CNTNAP2: variants seen among roughly 807,000 people sequenced by gnomAD.
The protein encoded by CNTNAP2 is contactin associated protein 2.
CNTNAP2 carries 98 observed loss-of-function variants against 155.2 expected under a neutral mutation model. That is an observed-to-expected ratio of 0.63 (90% CI 0.54 to 0.75). The LOEUF is 0.75. Among genes scored for constraint, CNTNAP2 ranks in the 30% least tolerant of loss-of-function variants. The pLI is 0.00. For missense variants in CNTNAP2, 1,727 were observed against 1,688.1 expected (o/e 1.02, Z -0.40); for synonymous variants, 651 against 631.2 (o/e 1.03, Z -0.47).
At chr7:147,590,716 T>C (rs1261949475) in intron 12 of CNTNAP2, among the ~76,000 whole-genome samples, 1 of 152,218 alleles carries the variant, frequency 6.6e-6, no homozygotes, top group South Asian at 2.1e-4. Context: ...GACAAATGTA[T>C]ATATTCTAAG....
chr7:147,439,434 G>T (rs1273743901), intron 10 of CNTNAP2, among the ~76,000 whole-genome samples: 1 of 151,768 alleles, frequency 6.6e-6, no homozygotes, highest in Non-Finnish European at 1.5e-5. Context: ...TTCCATTGTG[G>T]TTAGAAAAGA....
chr7:146,676,175 T>C (rs79548544), intron 1 of CNTNAP2, among the ~76,000 whole-genome samples: 2,680 of 152,278 alleles, frequency 0.018, 68 homozygotes, highest in African/African-American at 0.058. Flanking sequence ...AGTTTGTTTA[T>C]GATATACATG....
At chr7:147,120,152 C>G (rs73154362) in intron 5 of CNTNAP2, among the ~76,000 whole-genome samples, 2,171 of 152,154 alleles carry the variant, frequency 0.014, 24 homozygotes, top group South Asian at 0.04. Context: ...ACAACAATGT[C>G]TTTTGGAGTC....
chr7:146,636,220 G>C (rs544588578), intron 1 of CNTNAP2, among the ~76,000 whole-genome samples: 4 of 152,046 alleles, frequency 2.6e-5, no homozygotes, highest in South Asian at 2.1e-4. Context: ...ATGGGATTGT[G>C]CTTTATCTTG....
chr7:148,257,275 G>A (rs1585221572), intron 20 of CNTNAP2, among the ~76,000 whole-genome samples: 1 of 152,190 alleles, frequency 6.6e-6, no homozygotes, highest in Non-Finnish European at 1.5e-5. Context: ...GCAGGATTCG[G>A]TTAACTTTCC....
chr7:147,241,553 A>G (rs1803938019), intron 8 of CNTNAP2, among the ~76,000 whole-genome samples: 1 of 150,198 alleles, frequency 6.7e-6, no homozygotes, highest in African/African-American at 2.5e-5. Flanking sequence ...TCTTGAACCC[A>G]GGAGGTGGAG....
intron 18 of CNTNAP2, among the ~76,000 whole-genome samples, chr7:148,187,411 G>C (rs756195606): frequency 6.6e-6 from 1 of 152,158 alleles, no homozygotes; most frequent in Non-Finnish European, 1.5e-5. Context: ...GCCATGCCCT[G>C]TAAGTTTTCT....
chr7:146,780,111 T>C (rs1802458180), intron 2 of CNTNAP2, among the ~76,000 whole-genome samples: 1 of 152,188 alleles, frequency 6.6e-6, no homozygotes, highest in Non-Finnish European at 1.5e-5. Context: ...CCACAATGGT[T>C]CAACGAATTT....
chr7:146,718,088 A>G (rs1433442027), intron 1 of CNTNAP2, among the ~76,000 whole-genome samples: 2 of 152,268 alleles, frequency 1.3e-5, no homozygotes, highest in Admixed American at 6.5e-5. Context: ...CTGATTTGAT[A>G]CAGAAGCCTC....
intron 11 of CNTNAP2, among the ~76,000 whole-genome samples, chr7:147,541,889 TTG>T (rs891184663): frequency 6.6e-6 from 1 of 152,072 alleles, no homozygotes; most frequent in African/African-American, 2.4e-5. Flanking sequence ...GAGCAACTTT[TTG>T]GGTAATAAAA....
intron 1 of CNTNAP2, among the ~76,000 whole-genome samples, chr7:146,671,142 TA>T (rs752443572): frequency 1.4e-3 from 211 of 152,244 alleles, no homozygotes; most frequent in African/African-American, 4.6e-3. Context: ...CTTTTCTTCT[TA>T]AACTGTAAAA....
chr7:147,101,906 G>A (rs1384581122), intron 4 of CNTNAP2, among the ~76,000 whole-genome samples: 2 of 152,168 alleles, frequency 1.3e-5, no homozygotes, highest in African/African-American at 4.8e-5. Flanking sequence ...CAATTGGGCA[G>A]GAAAACAGGA....
intron 3 of CNTNAP2, among the ~76,000 whole-genome samples, chr7:146,863,639 A>C (rs959889365): frequency 1.3e-5 from 2 of 152,094 alleles, no homozygotes; most frequent in African/African-American, 4.8e-5. Flanking sequence ...GTACTATGCT[A>C]TTTGCTTCCC....
At chr7:147,654,769 T>G (rs1478670116) in intron 13 of CNTNAP2, among the ~76,000 whole-genome samples, 2 of 151,138 alleles carry the variant, frequency 1.3e-5, no homozygotes, top group Non-Finnish European at 3.0e-5. Flanking sequence ...ATCAAAGAAA[T>G]CACTATCCAT....
chr7:146,174,445 T>C (rs750322260), intron 1 of CNTNAP2, among the ~76,000 whole-genome samples: 2 of 151,962 alleles, frequency 1.3e-5, no homozygotes, highest in Non-Finnish European at 2.9e-5. Flanking sequence ...GGTCTTGAAC[T>C]CCTGATCTCA....
At chr7:146,318,781 C>A (rs566541386) in intron 1 of CNTNAP2, among the ~76,000 whole-genome samples, 2 of 151,912 alleles carry the variant, frequency 1.3e-5, no homozygotes, top group Non-Finnish European at 2.9e-5. Flanking sequence ...GTTGGCAATA[C>A]CTGAATACTT....
At chr7:146,180,683 A>G (rs985761433) in intron 1 of CNTNAP2, among the ~76,000 whole-genome samples, 1 of 152,176 alleles carries the variant, frequency 6.6e-6, no homozygotes, top group Non-Finnish European at 1.5e-5. Flanking sequence ...TGTAGCCTCC[A>G]TTTATTCTTC....
At chr7:148,007,856 C>T (rs1324125292) in intron 15 of CNTNAP2, among the ~76,000 whole-genome samples, 1 of 152,140 alleles carries the variant, frequency 6.6e-6, no homozygotes, top group Non-Finnish European at 1.5e-5. Flanking sequence ...AACTTCAACT[C>T]TTCTATGGCT....
chr7:148,336,601 T>C (rs1485568722), intron 21 of CNTNAP2, among the ~76,000 whole-genome samples: 1 of 150,750 alleles, frequency 6.6e-6, no homozygotes, highest in African/African-American at 2.4e-5. Context: ...AAGTAGTCAT[T>C]TTAACAACTG....
Sources: allele counts gnomAD v4.1 joint callset (sites outside exome capture counted in the v4.1 genomes callset), GRCh38; gene constraint gnomAD v4.1.1; transcripts MANE v1.5; gene names NCBI Gene and HGNC (gene_info 2026-07-23, HGNC 2026-07-21).